Variants in RNF213 observed in about 807,000 individuals in gnomAD.
The protein encoded by RNF213 is E3 ubiquitin-protein ligase RNF213.
RNF213 carries 341 observed loss-of-function variants against 514.4 expected under a neutral mutation model. The observed-to-expected ratio is 0.66, with a 90% CI of 0.61 to 0.73. The LOEUF is 0.73. Ranked by LOEUF, RNF213 falls within the 30% of genes least tolerant of loss-of-function variation. RNF213 has a pLI of 0.00. For missense variants in RNF213, 5,767 were observed against 6,615.6 expected, an observed-to-expected ratio of 0.87 and a Z score of 4.45; for synonymous variants, 2,655 against 2,658.2, an observed-to-expected ratio of 1.00 and a Z score of 0.04.
rs115969944 is a variant in RNF213, at chr17:80,332,769, C to G, written c.4143+138C>G. 452 of 997,596 alleles carry G rather than the reference C, an allele frequency of 4.5e-4. 2 individuals are homozygous for G. In the African/African-American group the frequency reaches 6.9e-3, roughly 15 times the overall value. The allele number at this position is 997,596 out of a possible 1,614,324, so 61.8% of individuals were successfully genotyped here. On this transcript the variant is annotated intron_variant, in intron 21 of 67. Transcript: ENST00000582970. Reference sequence around the variant, plus strand: ...GTCAGGGGCTCCTGTGTGTGTGGTACTTGAGGCCTGAATATCCCAAGGGCT... The same window carrying G: ...GTCAGGGGCTCCTGTGTGTGTGGTAGTTGAGGCCTGAATATCCCAAGGGCT...
intron 51 of RNF213, 76 bp from the exon 52 acceptor site, chr17:80,376,225 G>T (rs1386139070): frequency 7.3e-6 from 11 of 1,504,144 alleles, no homozygotes; most frequent in Non-Finnish European, 8.3e-6. Context: ...ATGTGTATTT[G>T]GTGTCAGTGT....
At chr17:80,386,118 G>C in intron 61 of RNF213, 132 bp from the exon 62 acceptor site, 1 of 816,156 alleles carries the variant, frequency 1.2e-6, no homozygotes, top group Non-Finnish European at 2.1e-6. Context: ...CAGCATATGA[G>C]ATGGGGCAGA....
chr17:80,281,760 C>T (rs1231117614), intron 3 of RNF213, among the ~76,000 whole-genome samples: 2 of 152,144 alleles, frequency 1.3e-5, no homozygotes, highest in East Asian at 1.9e-4. Flanking sequence ...GTTCCAGGAC[C>T]GCGGAGGACG....
chr17:80,318,997 CTT>C (rs564475716), intron 16 of RNF213, among the ~76,000 whole-genome samples, 191 bp from the exon 17 acceptor site: 59 of 152,252 alleles, frequency 3.9e-4, no homozygotes, highest in East Asian at 2.9e-3. Context: ...AAAAGAGACT[CTT>C]TTAAATTTTA....
intron 1 of RNF213, among the ~76,000 whole-genome samples, chr17:80,262,827 C>G (rs1217517063): frequency 6.6e-6 from 1 of 152,156 alleles, no homozygotes; most frequent in Admixed American, 6.5e-5. Context: ...AGGGCAGGGC[C>G]AGGGCAGGGA....
Position 80,336,382 on chromosome 17 carries a change from A to C in RNF213, c.4527+4A>C. 6.5e-7 allele frequency: 1 copy of C among 1,536,642 alleles called. No homozygotes were observed. The highest frequency in any genetic ancestry group is 8.7e-7 in the Non-Finnish European group (1 of 1,146,338). On this transcript the variant is annotated splice_donor_region_variant and intron_variant, in intron 23 of 67. Transcript: ENST00000582970. ...CCAGTACCTGCCCAGGAAACTGGTG[A>C]GTCTTATTCTGTCTCTAATGCAGAT...
rs905922233 is a variant in RNF213 at position 80,263,962 on chromosome 17, G to T, written c.97+184G>T. On this transcript the variant is annotated intron_variant, in intron 2 of 67. Transcript: ENST00000582970. The surrounding 1 kb of genome is among the most constrained non-coding windows in gnomAD (Gnocchi z 4.9). ...AAAAGTGACCACAGAGTCTGTTTTG[G>T]GGTGGCATAGATTAGTCTCCCACAC... 6.6e-6 allele frequency among the ~76,000 whole-genome samples: 1 copy of T among 152,196 alleles called. No individual in the cohort carries two copies. Among genetic ancestry groups the T allele is most frequent in the African/African-American group, 2.4e-5 (1 of 41,456 alleles).
In RNF213 at chr17:80,343,462, CTCTGAGAAGTGTG is replaced by C. The variant is rs1462667228; in HGVS notation, c.6183+139_6183+151del. 5 of 844,324 alleles carry C rather than the reference CTCTGAGAAGTGTG, an allele frequency of 5.9e-6. No homozygotes were observed. The highest frequency in any genetic ancestry group is 1.7e-5 in the African/African-American group (1 of 59,556). The allele number at this position is 844,324 out of a possible 1,614,324, so 52.3% of individuals were successfully genotyped here. ...TGTGAAGCTTAACAGTGGGAATGTG[CTCTGAGAAGTGTG>C]TTGTCAGGCAGTTTCCTCCTTGTGT... On this transcript the variant is annotated intron_variant, in intron 27 of 67. Coordinates refer to ENST00000582970, the MANE Select transcript of RNF213 (RefSeq NM_001256071.3). The surrounding 1 kb of genome is among the most constrained non-coding windows in gnomAD (Gnocchi z 4.3).
At position 80,305,474 on chromosome 17, in the gene RNF213, G is replaced by T. The variant is rs534015004; in HGVS notation, c.2211-778G>T. On this transcript the variant is annotated intron_variant, in intron 11 of 67. Coordinates refer to ENST00000582970, the MANE Select transcript of RNF213 (RefSeq NM_001256071.3). ...ATTACAGACGTGAGCCACTGCGCCC[G>T]GCCTGATTTTATTACTATTTTTTAA... Among the ~76,000 whole-genome samples the T allele has an allele frequency of 5.3e-5, 8 of 151,924 alleles. No homozygotes were observed. In the South Asian group the frequency reaches 1.7e-3, roughly 32 times the overall value.
Position 80,389,224 on chromosome 17 carries a change from T to C in RNF213, c.15052T>C (p.Tyr5018His), listed in dbSNP as rs1434701527. Residue 5018 changes from tyrosine to histidine, a missense_variant, in exon 65 of 68, where the codon TAC becomes CAC. Tyr to His is a moderately conservative substitution (Grantham distance 83). Coordinates refer to ENST00000582970, the MANE Select transcript of RNF213 (RefSeq NM_001256071.3). ...ISAISGQLQS[Y>H]SDACEVLSVV... Reference sequence around the variant, plus strand: ...TGCCATCAGTGGACAGCTGCAGTCCTACAGCGATGCCTGTGAAGTGCTGTC... The same window carrying C: ...TGCCATCAGTGGACAGCTGCAGTCCCACAGCGATGCCTGTGAAGTGCTGTC... 1.2e-6 allele frequency: 2 copies of C among 1,614,112 alleles called. No homozygotes were observed. Among genetic ancestry groups the C allele is most frequent in the South Asian group, 2.2e-5 (2 of 91,090 alleles).
rs1257167748 is a variant in RNF213, at chr17:80,264,996, C to T, written c.97+1218C>T. On this transcript the variant is annotated intron_variant, in intron 2 of 67. Coordinates refer to ENST00000582970, the MANE Select transcript of RNF213 (RefSeq NM_001256071.3). This position sits in a 1 kb window ranked among gnomAD's most constrained non-coding sequence, Gnocchi z 5.0. ...CCAGCTGCTCGCCATGGGGTCTCTC[C>T]GATGTTGTCCTTCAAGGGTGTGAGC... Among the ~76,000 whole-genome samples, 5 of 151,022 alleles carry T rather than the reference C, an allele frequency of 3.3e-5. No individual in the cohort carries two copies. Among genetic ancestry groups the T allele is most frequent in the Non-Finnish European group, 4.4e-5 (3 of 67,932 alleles).
chr17:80,291,712 C>T lies in RNF213; in HGVS notation c.1356C>T (p.Tyr452=), dbSNP rs377314891. Reference sequence around the variant, plus strand: ...TAGATAAATACATTCCTTACAAGTACGTCATTTATAATGGGGAATCTTTTG... The same window carrying T: ...TAGATAAATACATTCCTTACAAGTATGTCATTTATAATGGGGAATCTTTTG... ...KHLDKYIPYK[Y]VIYNGESFEY... Residue 452 remains tyrosine (Y), a synonymous_variant, in exon 8 of 68, where the codon TAC becomes TAT. Coordinates refer to ENST00000582970, the MANE Select transcript of RNF213 (RefSeq NM_001256071.3). 22 of 1,614,030 alleles carry T rather than the reference C, an allele frequency of 1.4e-5. No homozygotes were observed. The highest frequency in any genetic ancestry group is 1.7e-5 in the Admixed American group (1 of 59,996).
rs768365997 is a variant in RNF213, at chr17:80,347,104, C to T, written c.8769C>T (p.Leu2923=). 23 of 1,613,988 alleles carry T rather than the reference C, an allele frequency of 1.4e-5. No individual in the cohort carries two copies. Among genetic ancestry groups the T allele is most frequent in the Admixed American group, 3.3e-5 (2 of 59,994 alleles). Residue 2923 remains leucine (L), a synonymous_variant, in exon 29 of 68, where the codon CTC becomes CTT. Transcript: ENST00000582970. The surrounding 1 kb of genome is among the most constrained non-coding windows in gnomAD (Gnocchi z 7.2). ...AGGGCATCTGCTCCTCAGACATCCTCGTCCAGGACCGAGTCCAAGGGTACT... is the reference window on the plus strand; with the variant it reads ...AGGGCATCTGCTCCTCAGACATCCTTGTCCAGGACCGAGTCCAAGGGTACT... ...SAKGICSSDI[L]VQDRVQGYFA... is the part of the protein sequence containing the mutation.
intron 3 of RNF213, among the ~76,000 whole-genome samples, chr17:80,275,844 G>C (rs8070547): frequency 6.6e-6 from 1 of 151,080 alleles, no homozygotes; most frequent in Admixed American, 6.6e-5. Flanking sequence ...TTGTATTTTT[G>C]GTAGAGACGG....
chr17:80,279,553 G>T (rs9911199), intron 3 of RNF213, among the ~76,000 whole-genome samples: 1 of 151,696 alleles, frequency 6.6e-6, no homozygotes, highest in Admixed American at 6.6e-5. Flanking sequence ...CAACCTCCGC[G>T]TGCAGGGTTC....
At chr17:80,361,927 C>T (rs2079070338) in intron 39 of RNF213, 39 bp downstream of exon 39, 1 of 1,598,262 alleles carries the variant, frequency 6.3e-7, no homozygotes, top group Non-Finnish European at 8.6e-7. Flanking sequence ...AGGTGTAGAG[C>T]TTGCATGATG....
At chr17:80,312,777 T>C (rs1327685622) in intron 14 of RNF213, among the ~76,000 whole-genome samples, 1 of 152,098 alleles carries the variant, frequency 6.6e-6, no homozygotes, top group East Asian at 1.9e-4. Context: ...ACAGATGCCG[T>C]TCCCTCCCTC....
In RNF213 at chr17:80,389,123, T is replaced by C. The variant is rs3923128; in HGVS notation, c.15001-50T>C. The C allele has an allele frequency of 3.2e-3, 5,060 of 1,567,922 alleles. 132 individuals carry two copies. In the African/African-American group the frequency reaches 0.055, roughly 17 times the overall value. On this transcript the variant is annotated intron_variant, in intron 64 of 67. Coordinates refer to ENST00000582970, the MANE Select transcript of RNF213 (RefSeq NM_001256071.3). ...TCGGCTCTCTTACCAGGTGGTGAGATGCCAGAAACCCAGCCCACAGACATC... is the reference window on the plus strand; with the variant it reads ...TCGGCTCTCTTACCAGGTGGTGAGACGCCAGAAACCCAGCCCACAGACATC...
chr17:80,389,218 C>T lies in RNF213; in HGVS notation c.15046C>T (p.Gln5016Ter). 2 of 1,614,174 alleles carry T rather than the reference C, an allele frequency of 1.2e-6. No homozygotes were observed. Among genetic ancestry groups the T allele is most frequent in the Non-Finnish European group, 1.7e-6 (2 of 1,179,972 alleles). ...CATTAGTGCCATCAGTGGACAGCTG[C>T]AGTCCTACAGCGATGCCTGTGAAGT... Reference protein sequence around the residue: ...SVISAISGQLQSYSDACEVLS... With the variant: ...SVISAISGQL The change falls in exon 65 of 68, where the codon CAG becomes TAG. Residue 5016 changes from glutamine to a stop codon, truncating the protein, a stop_gained. Transcript: ENST00000582970. LOFTEE classifies it high-confidence loss of function.
Sources: gnomAD v4.1 joint callset for allele counts (sites outside exome capture counted in the v4.1 genomes callset) on GRCh38, gnomAD v4.1.1 for gene constraint, Gnocchi (gnomAD v3.1) non-coding constraint, MANE v1.5 for transcripts, NCBI Gene and HGNC (gene_info 2026-07-23, HGNC 2026-07-21) for gene names.